Variants in ATXN1 observed in about 807,000 individuals in gnomAD.
The protein encoded by ATXN1 is ataxin-1.
Under a neutral mutation model 56.4 loss-of-function variants are expected in ATXN1, and 8 were observed. That is an observed-to-expected ratio of 0.14 (90% CI 0.08 to 0.26). The LOEUF (loss-of-function observed/expected upper bound fraction) is 0.26, where lower values mean the gene tolerates loss of function less well. ATXN1 is among the 10% of genes least tolerant of loss of function. ATXN1 has a pLI of 1.00. For missense variants in ATXN1, 987 were observed against 1,106.5 expected (o/e 0.89, Z 1.53); for synonymous variants, 514 against 494.6 (o/e 1.04, Z -0.52).
intron 3 of ATXN1, among the ~76,000 whole-genome samples, chr6:16,602,113 T>C (rs1336675594): frequency 6.6e-6 from 1 of 152,182 alleles, no homozygotes; most frequent in African/African-American, 2.4e-5. Context: ...ACAGCTATTT[T>C]ACTGGTCCCA....
intron 6 of ATXN1, among the ~76,000 whole-genome samples, chr6:16,339,667 T>A (rs899832223): frequency 6.6e-6 from 1 of 152,210 alleles, no homozygotes; most frequent in Non-Finnish European, 1.5e-5. Flanking sequence ...AGAGTGTAAG[T>A]CACTTGCCTA....
Position 16,451,395 on chromosome 6 carries a change from C to A in ATXN1, c.-161+34577G>T, listed in dbSNP as rs2113612696. The stretch of plus-strand genomic sequence containing the variant: ...CAGAAGAATCACTTGAACCCGAGGG[C>A]CAGAGTTTGCAGTGAGCCAAGATCA... On this transcript the variant is annotated intron_variant, in intron 6 of 7. Transcript: ENST00000436367. Among the ~76,000 whole-genome samples the A allele has an allele frequency of 2.0e-5, 3 of 152,174 alleles. No individual in the cohort carries two copies. The South Asian group carries it at 6.2e-4, about 32-fold the overall frequency.
rs560138292 is a variant in ATXN1, at chr6:16,642,287, C to A, written c.-489+15489G>T. ...GTGCGCACCTGTAGTCCCAGCTACT[C>A]AGGAGGCTGAGGCAGGAGAATTGTT... On this transcript the variant is annotated intron_variant, in intron 3 of 7. Transcript: ENST00000436367. 1.3e-3 allele frequency among the ~76,000 whole-genome samples: 197 copies of A among 152,196 alleles called. 1 individual carries two copies. The highest frequency in any genetic ancestry group is 4.3e-3 in the African/African-American group (179 of 41,530).
intron 6 of ATXN1, among the ~76,000 whole-genome samples, chr6:16,375,635 T>C (rs1762127959): frequency 6.6e-6 from 1 of 152,228 alleles, no homozygotes; most frequent in Admixed American, 6.5e-5. Flanking sequence ...GAGTGCTGGA[T>C]AATTTCCATC....
intron 6 of ATXN1, among the ~76,000 whole-genome samples, chr6:16,394,294 G>T (rs1373801702): frequency 6.6e-6 from 1 of 152,052 alleles, no homozygotes; most frequent in Non-Finnish European, 1.5e-5. Context: ...TCAATCTTTT[G>T]TTCTCCACCG....
chr6:16,502,107 G>C (rs1461090151), intron 5 of ATXN1, among the ~76,000 whole-genome samples: 2 of 152,226 alleles, frequency 1.3e-5, no homozygotes, highest in East Asian at 3.8e-4. Flanking sequence ...ACAAGTGGGA[G>C]TTGTACCTCC....
chr6:16,389,244 G>A (rs1272996729), intron 6 of ATXN1, among the ~76,000 whole-genome samples: 1 of 151,706 alleles, frequency 6.6e-6, no homozygotes, highest in African/African-American at 2.4e-5. Flanking sequence ...GGCTGAGGCA[G>A]GAGAATCGCT....
intron 2 of ATXN1, among the ~76,000 whole-genome samples, chr6:16,676,158 G>A (rs1758656412): frequency 6.6e-6 from 1 of 152,060 alleles, no homozygotes; most frequent in Non-Finnish European, 1.5e-5. Context: ...GAGTGAGTTT[G>A]CAATTCGATG....
At chr6:16,437,319 A>G (rs1759415056) in intron 6 of ATXN1, among the ~76,000 whole-genome samples, 1 of 152,212 alleles carries the variant, frequency 6.6e-6, no homozygotes, top group Admixed American at 6.5e-5. Context: ...AGTGCGTATC[A>G]GCACCACCCC....
At chr6:16,354,653 T>C (rs1373611873) in intron 6 of ATXN1, among the ~76,000 whole-genome samples, 1 of 152,182 alleles carries the variant, frequency 6.6e-6, no homozygotes, top group South Asian at 2.1e-4. Context: ...TTTTTAGATA[T>C]TTAGAGGATA....
intron 3 of ATXN1, among the ~76,000 whole-genome samples, chr6:16,587,149 C>A (rs978256121): frequency 6.6e-6 from 1 of 152,098 alleles, no homozygotes; most frequent in Non-Finnish European, 1.5e-5. Context: ...CAAGTGAAAC[C>A]GACATGTTCA....
intron 3 of ATXN1, among the ~76,000 whole-genome samples, chr6:16,627,901 GCT>G (rs1158416424): frequency 6.6e-6 from 1 of 152,136 alleles, no homozygotes; most frequent in Non-Finnish European, 1.5e-5. Context: ...GTGAAGAATG[GCT>G]CCATACATTG....
chr6:16,380,631 G>A (rs138012520), intron 6 of ATXN1, among the ~76,000 whole-genome samples: 2,524 of 152,144 alleles, frequency 0.017, 37 homozygotes, highest in Non-Finnish European at 0.022. Context: ...TTCTGCACAC[G>A]CGCATTCAAA....
intron 2 of ATXN1, among the ~76,000 whole-genome samples, chr6:16,665,104 G>A (rs774834368): frequency 3.2e-4 from 49 of 152,082 alleles, no homozygotes; most frequent in Non-Finnish European, 5.3e-4. Flanking sequence ...TATGTTGTTT[G>A]GTTGAAGTAT....
intron 7 of ATXN1, among the ~76,000 whole-genome samples, chr6:16,319,988 C>T (rs1431687980): frequency 6.6e-6 from 1 of 151,948 alleles, no homozygotes; most frequent in Admixed American, 6.6e-5. Context: ...GGCACAAATC[C>T]AGGGCTGGGC....
chr6:16,679,465 G>A (rs564458890), intron 2 of ATXN1, among the ~76,000 whole-genome samples: 4 of 152,290 alleles, frequency 2.6e-5, no homozygotes, highest in African/African-American at 9.6e-5. Context: ...GAAGTAGGGA[G>A]GCAAAGAGAA....
intron 4 of ATXN1, among the ~76,000 whole-genome samples, chr6:16,557,674 C>T (rs1466129836): frequency 6.6e-6 from 1 of 152,172 alleles, no homozygotes; most frequent in Non-Finnish European, 1.5e-5. Context: ...GCAAGGTCAA[C>T]AGAAAAGAGG....
At chr6:16,730,017 G>A (rs549423754) in intron 2 of ATXN1, among the ~76,000 whole-genome samples, 137 of 152,318 alleles carry the variant, frequency 9.0e-4, no homozygotes, top group Non-Finnish European at 1.6e-3. Flanking sequence ...GCGCGATGGC[G>A]CACGCCTGTA....
chr6:16,721,162 T>G (rs1759737654), intron 2 of ATXN1, among the ~76,000 whole-genome samples: 2 of 152,176 alleles, frequency 1.3e-5, no homozygotes, highest in Non-Finnish European at 2.9e-5. Context: ...CTCACACATT[T>G]CCCCAAATGT....
Sources: gnomAD v4.1 joint callset for allele counts (sites outside exome capture counted in the v4.1 genomes callset) on GRCh38, gnomAD v4.1.1 for gene constraint, MANE v1.5 for transcripts, NCBI Gene and HGNC (gene_info 2026-07-23, HGNC 2026-07-21) for gene names.